NRG2: variants seen among roughly 807,000 people sequenced by gnomAD.
NRG2 encodes the protein neuregulin 2, also known as pro-neuregulin-2, membrane-bound isoform.
NRG2 carries 27 observed loss-of-function variants against 73.9 expected under a neutral mutation model. That is an observed-to-expected ratio of 0.37 (90% CI 0.27 to 0.50). NRG2 has a LOEUF of 0.50. Among genes scored for constraint, NRG2 ranks in the 20% least tolerant of loss-of-function variants. NRG2 has a pLI of 0.96. For missense variants in NRG2, 1,126 were observed against 1,210.1 expected (o/e 0.93, Z 1.03); for synonymous variants, 532 against 541.0 (o/e 0.98, Z 0.23).
chr5:140,014,212 T>C (rs1053534477), intron 1 of NRG2, among the ~76,000 whole-genome samples: 2 of 151,284 alleles, frequency 1.3e-5, no homozygotes, highest in African/African-American at 4.9e-5. Context: ...ATGTCTCCAG[T>C]CGCTCAGGTA....
Position 139,852,422 on chromosome 5 carries a change from T to G in NRG2, c.1544+10A>C. On this transcript the variant is annotated intron_variant, in intron 8 of 9. Transcript: ENST00000361474. This position sits in a 1 kb window ranked among gnomAD's most constrained non-coding sequence, Gnocchi z 4.4. ...GTCTACAAGTTTCCATGGGCCTTGGTGGTGCCTACCTGTGGCTGGAGGTGG... is the reference window on the plus strand; with the variant it reads ...GTCTACAAGTTTCCATGGGCCTTGGGGGTGCCTACCTGTGGCTGGAGGTGG... 3.7e-6 allele frequency: 6 copies of G among 1,611,572 alleles called. No individual in the cohort carries two copies. The highest frequency in any genetic ancestry group is 4.2e-6 in the Non-Finnish European group (5 of 1,179,156).
chr5:139,957,618 TG>T (rs1191781382), intron 1 of NRG2, among the ~76,000 whole-genome samples: 1 of 152,162 alleles, frequency 6.6e-6, no homozygotes, highest in African/African-American at 2.4e-5. Flanking sequence ...GTCCAATCTC[TG>T]CCTGATATGC....
chr5:139,912,522 G>C (rs577384877), intron 1 of NRG2, among the ~76,000 whole-genome samples: 2 of 152,118 alleles, frequency 1.3e-5, no homozygotes, highest in East Asian at 3.9e-4. Context: ...CAGGTCTCAG[G>C]GACCCTAGAG....
At chr5:139,958,722 C>T (rs1471374329) in intron 1 of NRG2, among the ~76,000 whole-genome samples, 3 of 152,122 alleles carry the variant, frequency 2.0e-5, no homozygotes, top group Non-Finnish European at 4.4e-5. Flanking sequence ...TAGAAATGGC[C>T]GGCGACCTTG....
At chr5:139,881,519 T>C (rs570575397) in intron 2 of NRG2, among the ~76,000 whole-genome samples, 1 of 152,326 alleles carries the variant, frequency 6.6e-6, no homozygotes, top group African/African-American at 2.4e-5. Flanking sequence ...CTGTGGCTTC[T>C]CCAAGGGGTT....
intron 1 of NRG2, among the ~76,000 whole-genome samples, chr5:139,959,666 G>A (rs1430274988): frequency 1.3e-5 from 2 of 151,236 alleles, no homozygotes; most frequent in African/African-American, 2.5e-5. Context: ...ATGGGCCACC[G>A]CGCCTGGCTT....
At chr5:140,010,620 AAAAAC>A (rs1329470561) in intron 1 of NRG2, among the ~76,000 whole-genome samples, 2 of 152,222 alleles carry the variant, frequency 1.3e-5, no homozygotes, top group Non-Finnish European at 2.9e-5. Context: ...TCTTAAAAAA[AAAAAC>A]AGGACAGAAA....
At chr5:139,864,878 A>C in intron 5 of NRG2, 1 of 589,038 alleles carries the variant, frequency 1.7e-6, no homozygotes, top group Middle Eastern at 4.5e-4. Flanking sequence ...CGACCCCAGA[A>C]GTTGGGAGGA....
In NRG2 at chr5:139,852,996, G is replaced by T. The variant is rs150514590; in HGVS notation, c.1324C>A (p.Arg442=). The change falls in exon 7 of 10, where the codon CGG becomes AGG. Residue 442 remains arginine, a synonymous_variant. Transcript: ENST00000361474. The surrounding 1 kb of genome is among the most constrained non-coding windows in gnomAD (Gnocchi z 4.4). ...TGATGGGCCGGGCACATGTTCTGCC[G>T]GAGGTGGTTGTGCATCTGCTTCCGC... ...KQRKQMHNHL[R]QNMCPAHQNR... 6.2e-7 allele frequency: 1 copy of T among 1,613,408 alleles called. No individual in the cohort carries two copies. Among genetic ancestry groups the T allele is most frequent in the Non-Finnish European group, 8.5e-7 (1 of 1,179,736 alleles).
At chr5:139,896,654 C>T (rs1231190071) in intron 1 of NRG2, among the ~76,000 whole-genome samples, 2 of 152,200 alleles carry the variant, frequency 1.3e-5, no homozygotes. Flanking sequence ...TGGATTTCCT[C>T]TTTCAGTCAC....
intron 1 of NRG2, among the ~76,000 whole-genome samples, chr5:139,936,868 C>T (rs1167483249): frequency 6.6e-6 from 1 of 152,176 alleles, no homozygotes; most frequent in Non-Finnish European, 1.5e-5. Context: ...GTGATGTGAT[C>T]TCAGCTCACT....
chr5:139,904,476 G>A lies in NRG2; in HGVS notation c.701-16965C>T. The A allele has an allele frequency of 1.2e-6, 1 of 820,324 alleles. No individual in the cohort carries two copies. The highest frequency in any genetic ancestry group is 1.9e-6 in the Non-Finnish European group (1 of 529,336). 50.8% of individuals were successfully genotyped at this position (820,324 alleles called of 1,614,324 possible). Reference sequence around the variant, plus strand: ...CGCCCCCGCCGCCTGCAGCCTCAGTGCCCGAGCGCGGCGCCTTTCTTATAG... The same window carrying A: ...CGCCCCCGCCGCCTGCAGCCTCAGTACCCGAGCGCGGCGCCTTTCTTATAG... On this transcript the variant is annotated intron_variant, in intron 1 of 9. Coordinates refer to ENST00000361474, the MANE Select transcript of NRG2 (RefSeq NM_004883.3). This position sits in a 1 kb window ranked among gnomAD's most constrained non-coding sequence, Gnocchi z 6.0.
chr5:139,891,389 C>T (rs1455914770), intron 1 of NRG2, among the ~76,000 whole-genome samples: 1 of 152,218 alleles, frequency 6.6e-6, no homozygotes, highest in African/African-American at 2.4e-5. Flanking sequence ...TTTCAGATCA[C>T]AGGGAGCCCA....
intron 6 of NRG2, among the ~76,000 whole-genome samples, chr5:139,855,254 T>A (rs1761731920): frequency 6.6e-6 from 1 of 152,178 alleles, no homozygotes; most frequent in Non-Finnish European, 1.5e-5. Flanking sequence ...ACCTGCCCAC[T>A]TGACGGGGCA....
intron 3 of NRG2, among the ~76,000 whole-genome samples, chr5:139,880,616 T>C (rs1057209785): frequency 1.3e-5 from 2 of 151,932 alleles, no homozygotes; most frequent in African/African-American, 4.8e-5. Flanking sequence ...AAATATTTAG[T>C]TTTCAGGGTA....
chr5:140,016,195 T>C (rs561615206), intron 1 of NRG2, among the ~76,000 whole-genome samples: 1 of 151,950 alleles, frequency 6.6e-6, no homozygotes, highest in East Asian at 1.9e-4. Flanking sequence ...GCAGAAGGGG[T>C]GGTGGTGCAG....
At chr5:140,019,460 C>G (rs1184155020) in intron 1 of NRG2, 4 of 152,252 alleles carry the variant, frequency 2.6e-5, no homozygotes, top group African/African-American at 9.6e-5. Flanking sequence ...TGTTTGTTTT[C>G]AGACTGGCTC....
chr5:139,871,836 T>C lies in NRG2; in HGVS notation c.997A>G (p.Thr333Ala), dbSNP rs1762874092. The C allele has an allele frequency of 6.2e-7, 1 of 1,613,806 alleles. No individual in the cohort carries two copies. Among genetic ancestry groups the C allele is most frequent in the South Asian group, 1.1e-5 (1 of 91,054 alleles). ...RGRLYVNSVS[T>A]TLSSWSGHAR... ...TGCCCCGACCAGGATGACAGGGTGG[T>C]GCTCACTGAGGGTATGAGAGACATG... Residue 333 changes from threonine to alanine, a missense_variant, in exon 4 of 10, where the codon ACC becomes GCC. This residue lies in a region of NRG2 where 539 missense variants were observed against 703.2 expected (regional missense o/e 0.77). Coordinates refer to ENST00000361474, the MANE Select transcript of NRG2 (RefSeq NM_004883.3).
At position 139,855,778 on chromosome 5, in the gene NRG2, T is replaced by C. The variant is rs200557654; in HGVS notation, c.1190A>G (p.Lys397Arg). 2 of 1,612,234 alleles carry C rather than the reference T, an allele frequency of 1.2e-6. No homozygotes were observed. Among genetic ancestry groups the C allele is most frequent in the African/African-American group, 2.7e-5 (2 of 74,964 alleles). Residue 397 changes from lysine to arginine, a missense_variant and splice_region_variant, in exon 6 of 10, where the codon AAA becomes AGA. Physicochemically the swap from Lys to Arg is conservative, Grantham distance 26. Around this residue, in one of 3 missense-constraint regions of NRG2, gnomAD observed 539 missense variants for 703.2 expected, o/e 0.77. Coordinates refer to ENST00000361474, the MANE Select transcript of NRG2 (RefSeq NM_004883.3). ...LRLYMPDPKQKAEELYQKRVL... is the reference protein window; with the variant it reads ...LRLYMPDPKQRAEELYQKRVL... ...CCTCTTCTGGTACAGCTCCTCGGCT[T>C]CTGCAGAGGTAGGGTAGATGTGAGG...
Sources: gnomAD v4.1 joint callset for allele counts (sites outside exome capture counted in the v4.1 genomes callset) on GRCh38, gnomAD v4.1.1 for gene constraint, gnomAD v4.1.1 regional missense constraint, Gnocchi (gnomAD v3.1) non-coding constraint, MANE v1.5 for transcripts, NCBI Gene and HGNC (gene_info 2026-07-23, HGNC 2026-07-21) for gene names.